PIWIL2: variants seen among roughly 807,000 people sequenced by gnomAD.
The protein encoded by PIWIL2 is piwi-like protein 2.
A neutral mutation model predicts 116.5 loss-of-function variants in PIWIL2; 81 were observed. That is an observed-to-expected ratio of 0.70 (90% confidence interval 0.58 to 0.84). The LOEUF is 0.84. Among genes scored for constraint, PIWIL2 ranks in the 40% least tolerant of loss-of-function variants. PIWIL2 has a pLI of 0.00. For synonymous variants in PIWIL2, 489 were observed against 429.5 expected, an observed-to-expected ratio of 1.14 and a Z score of -1.71; for missense variants, 1,272 against 1,212.3, an observed-to-expected ratio of 1.05 and a Z score of -0.73.
At chr8:22,295,193 C>T (rs1040484000) in intron 10 of PIWIL2, among the ~76,000 whole-genome samples, 10 of 152,182 alleles carry the variant, frequency 6.6e-5, no homozygotes, top group African/African-American at 2.4e-4. Context: ...GACAAGGTCT[C>T]ATTTCATGGC....
intron 20 of PIWIL2, among the ~76,000 whole-genome samples, chr8:22,347,393 T>G (rs1362111289): frequency 2.0e-5 from 3 of 148,410 alleles, no homozygotes; most frequent in Non-Finnish European, 2.9e-5. Flanking sequence ...ATTTTTGTAT[T>G]TTTTTAGTAG....
chr8:22,287,905 C>T (rs1344723648), intron 7 of PIWIL2, among the ~76,000 whole-genome samples: 2 of 152,158 alleles, frequency 1.3e-5, no homozygotes, highest in African/African-American at 2.4e-5. Context: ...TTCTGCAGGA[C>T]ATCACAGCAC....
rs781236020 is a variant in PIWIL2 at position 22,284,203 on chromosome 8, C to A, written c.674C>A (p.Ser225Tyr). 1 of 1,605,570 alleles carries A rather than the reference C, an allele frequency of 6.2e-7. No homozygotes were observed. The highest frequency in any genetic ancestry group is 8.5e-7 in the Non-Finnish European group (1 of 1,176,776). The change falls in exon 6 of 23, where the codon TCT (serine) becomes TAT (tyrosine). Residue 225 changes from serine to tyrosine, a missense_variant. Physicochemically the swap from Ser to Tyr is moderately radical, Grantham distance 144 (BLOSUM62 -2). Coordinates refer to ENST00000356766, the MANE Select transcript of PIWIL2 (RefSeq NM_018068.5). ...VKQGSKGTPQ[S>Y]LGLNLVKIQC... Reference sequence around the variant, plus strand: ...CAAGGATCAAAAGGAACACCTCAGTCTTTGGGACTGAACCTCGTCAAAATA... The same window carrying A: ...CAAGGATCAAAAGGAACACCTCAGTATTTGGGACTGAACCTCGTCAAAATA...
chr8:22,348,634 G>A lies in PIWIL2; in HGVS notation c.2404-4325G>A, dbSNP rs1046826832. Among the ~76,000 whole-genome samples, 3 of 152,312 alleles carry A rather than the reference G, an allele frequency of 2.0e-5. No homozygotes were observed. The South Asian group carries it at 6.2e-4, about 32-fold the overall frequency. ...ATAAATAAAAAAATTAGCCGGGCTT[G>A]ATGGCACATCCCTGTAGTCCCAGCT... On this transcript the variant is annotated intron_variant, in intron 20 of 22. Transcript: ENST00000356766.
At position 22,290,365 on chromosome 8, in the gene PIWIL2, C is replaced by G. The variant is rs756496999; in HGVS notation, c.1181+19C>G. On this transcript the variant is annotated intron_variant, in intron 10 of 22. Coordinates refer to ENST00000356766, the MANE Select transcript of PIWIL2 (RefSeq NM_018068.5). ...ATGTCATGTGAGTGAATGGTGGGGT[C>G]TATCTTTAACATGCTGATGATTTTC... 1 of 1,352,282 alleles carries G rather than the reference C, an allele frequency of 7.4e-7. No individual in the cohort carries two copies. Among genetic ancestry groups the G allele is most frequent in the African/African-American group, 1.4e-5 (1 of 70,180 alleles). The allele number at this position is 1,352,282 out of a possible 1,614,324, so 83.8% of individuals were successfully genotyped here. A position where few individuals can be genotyped will look rare whatever the true frequency, so the allele number is the denominator to read the frequency against.
chr8:22,347,516 CTTTTTTTTTTTT>C (rs1218303089), intron 20 of PIWIL2, among the ~76,000 whole-genome samples: 18 of 98,452 alleles, frequency 1.8e-4, no homozygotes, highest in African/African-American at 6.5e-4. Flanking sequence ...TGTGCCTGGC[CTTTTTTTTTTTT>C]TTTTTTTTTT....
intron 20 of PIWIL2, among the ~76,000 whole-genome samples, chr8:22,348,623 T>C (rs1038034821): frequency 6.6e-6 from 1 of 152,152 alleles, no homozygotes; most frequent in Admixed American, 6.6e-5. Flanking sequence ...ATAAAAAAAT[T>C]AGCCGGGCTT....
intron 20 of PIWIL2, among the ~76,000 whole-genome samples, chr8:22,352,587 C>G (rs1419746173): frequency 6.6e-6 from 1 of 152,130 alleles, no homozygotes; most frequent in Non-Finnish European, 1.5e-5. Context: ...TTACCTTATT[C>G]TTTGCCCCGA....
At chr8:22,299,646 G>A (rs766220780) in intron 10 of PIWIL2, among the ~76,000 whole-genome samples, 7 of 151,796 alleles carry the variant, frequency 4.6e-5, no homozygotes, top group African/African-American at 1.5e-4. Context: ...ATTGACATCC[G>A]TAAAAAACCC....
At position 22,340,151 on chromosome 8, in the gene PIWIL2, C is replaced by T. The variant is rs990932688; in HGVS notation, c.2404-12808C>T. Among the ~76,000 whole-genome samples, 3 of 140,428 alleles carry T rather than the reference C, an allele frequency of 2.1e-5. No individual in the cohort carries two copies. In the East Asian group the frequency reaches 7.0e-4, roughly 33 times the overall value. 92.1% of individuals were successfully genotyped at this position (140,428 alleles called of 152,430 possible). ...CACCGCAACCTCCGCCTCCCGGGAT[C>T]AAGTGATTCTCCTGCCTCAGCCTCC... On this transcript the variant is annotated intron_variant, in intron 20 of 22. Coordinates refer to ENST00000356766, the MANE Select transcript of PIWIL2 (RefSeq NM_018068.5).
In PIWIL2 at chr8:22,354,509, T is replaced by A. The variant is rs7000730; in HGVS notation, c.2765+131T>A. The A allele has an allele frequency of 1.1e-4, 63 of 550,356 alleles. 1 individual carries two copies. The highest frequency in any genetic ancestry group is 1.1e-3 in the African/African-American group (57 of 52,764). 34.1% of individuals were successfully genotyped at this position (550,356 alleles called of 1,614,324 possible). On this transcript the variant is annotated intron_variant, in intron 22 of 22. Coordinates refer to ENST00000356766, the MANE Select transcript of PIWIL2 (RefSeq NM_018068.5). ...CTTCATATCTTTGACAATTATGGTG[T>A]CTTTTTGAGGAGAGATTGGAAATCC...
chr8:22,355,334 C>T lies in PIWIL2; in HGVS notation c.2766-15C>T. The T allele has an allele frequency of 6.2e-7, 1 of 1,613,612 alleles. No individual in the cohort carries two copies. On this transcript the variant is annotated splice_polypyrimidine_tract_variant and intron_variant, in intron 22 of 22. Coordinates refer to ENST00000356766, the MANE Select transcript of PIWIL2 (RefSeq NM_018068.5). ...TGGGGGATGATGAGAATTATATTTT[C>T]TTCTTGGCCTACAGGCTGACTTTCA...
At chr8:22,314,568 C>G (rs1831408690) in intron 17 of PIWIL2, 139 bp downstream of exon 17, 2 of 456,206 alleles carry the variant, frequency 4.4e-6, no homozygotes, top group African/African-American at 2.0e-5. Flanking sequence ...GAAAGGTTCT[C>G]CTGATTAGAG....
At chr8:22,276,730 G>C (rs916529908) in intron 1 of PIWIL2, among the ~76,000 whole-genome samples, 5 of 152,032 alleles carry the variant, frequency 3.3e-5, no homozygotes, top group African/African-American at 1.2e-4. Context: ...GCAAGATCCC[G>C]TCTCTACAAA....
intron 10 of PIWIL2, among the ~76,000 whole-genome samples, chr8:22,296,020 C>CTTTTTTTTTTTTTTTTTTTTTTTTTTT (rs67357452): frequency 9.7e-6 from 1 of 102,846 alleles, no homozygotes; most frequent in Non-Finnish European, 2.0e-5. Flanking sequence ...CTCTTCCCTT[C>CTTTTTTTTTTTTTTTTTTTTTTTTTTT]TTTTTTTTTT....
intron 20 of PIWIL2, among the ~76,000 whole-genome samples, chr8:22,350,597 A>C (rs1832330930): frequency 6.6e-6 from 1 of 152,144 alleles, no homozygotes; most frequent in Admixed American, 6.6e-5. Context: ...ACCCCATCTC[A>C]AAAAAATAAA....
At chr8:22,294,104 G>A (rs1462646662) in intron 10 of PIWIL2, among the ~76,000 whole-genome samples, 4 of 152,094 alleles carry the variant, frequency 2.6e-5, no homozygotes, top group East Asian at 3.9e-4. Context: ...TTGGGAGGCC[G>A]AGGCGGGAGG....
intron 20 of PIWIL2, among the ~76,000 whole-genome samples, chr8:22,326,953 T>G (rs1016948468): frequency 5.9e-5 from 9 of 152,058 alleles, no homozygotes; most frequent in Non-Finnish European, 1.2e-4. Flanking sequence ...CATTTTACAT[T>G]CCTACCAGTA....
chr8:22,338,016 C>T (rs1170503771), intron 20 of PIWIL2, among the ~76,000 whole-genome samples: 2 of 151,946 alleles, frequency 1.3e-5, no homozygotes, highest in African/African-American at 4.8e-5. Flanking sequence ...ATTGCTTGAA[C>T]CCAGGAGATG....
Sources: allele counts gnomAD v4.1 joint callset (sites outside exome capture counted in the v4.1 genomes callset), GRCh38; gene constraint gnomAD v4.1.1; transcripts MANE v1.5; gene names NCBI Gene and HGNC (gene_info 2026-07-23, HGNC 2026-07-21).